CATIP: variants seen among roughly 807,000 people sequenced by gnomAD.
CATIP encodes ciliogenesis associated TTC17 interacting protein.
A neutral mutation model predicts 42.5 loss-of-function variants in CATIP; 40 were observed. The ratio of observed to expected loss-of-function variants is 0.94; its 90% CI spans 0.73 to 1.22. The LOEUF (loss-of-function observed/expected upper bound fraction) is 1.22. Among genes scored for constraint, CATIP ranks in the 50% most tolerant of loss-of-function variants. The pLI is 0.00. For synonymous variants in CATIP, 222 were observed against 200.2 expected, an observed-to-expected ratio of 1.11 and a Z score of -0.92; for missense variants, 489 against 496.0, an observed-to-expected ratio of 0.99 and a Z score of 0.13.
In CATIP at chr2:218,357,886, A is replaced by G. The variant is rs1321514050; in HGVS notation, c.320-151A>G. On this transcript the variant is annotated intron_variant, in intron 3 of 9. Transcript: ENST00000289388. ...TGGGAGAGGGATGAGCGAGTTCCTCATGGACTCGGGATGAGGGCACATCTT... is the reference window on the plus strand; with the variant it reads ...TGGGAGAGGGATGAGCGAGTTCCTCGTGGACTCGGGATGAGGGCACATCTT... 2.8e-6 allele frequency: 3 copies of G among 1,069,108 alleles called. No individual in the cohort carries two copies. The Admixed American group carries it at 5.6e-5, about 20-fold the overall frequency. 66.2% of individuals were successfully genotyped at this position (1,069,108 alleles called of 1,614,324 possible). A position where few individuals can be genotyped will look rare whatever the true frequency, so the allele number is the denominator to read the frequency against.
At chr2:218,357,802 A>G in intron 3 of CATIP, 68 bp downstream of exon 3, 1 of 1,510,652 alleles carries the variant, frequency 6.6e-7, no homozygotes, top group Non-Finnish European at 9.1e-7. Flanking sequence ...ACCAATTCCT[A>G]GAATCTTTTT....
chr2:218,362,550 T>C (rs1171704511), intron 5 of CATIP, among the ~76,000 whole-genome samples, 185 bp from the exon 6 acceptor site: 1 of 151,980 alleles, frequency 6.6e-6, no homozygotes. Context: ...GGAGATCGCT[T>C]GAACCAAGGA....
chr2:218,363,676 A>C (rs1695322487), intron 6 of CATIP, among the ~76,000 whole-genome samples: 1 of 151,100 alleles, frequency 6.6e-6, no homozygotes, highest in East Asian at 2.0e-4. Context: ...TGTGGTGGCA[A>C]GTGCCTGTAA....
rs866595530 is a variant in CATIP, at chr2:218,363,499, A to C, written c.630+597A>C. 3.5e-3 allele frequency among the ~76,000 whole-genome samples: 463 copies of C among 133,854 alleles called. 3 individuals are homozygous for C. Among genetic ancestry groups the C allele is most frequent in the African/African-American group, 0.013 (431 of 33,868 alleles). 87.8% of individuals were successfully genotyped at this position (133,854 alleles called of 152,430 possible). Reference sequence around the variant, plus strand: ...AGACTCTGTCTCAAAAAAAAAAAACAAAAAAAAAAAAACGTCATTTTGGCC... The same window carrying C: ...AGACTCTGTCTCAAAAAAAAAAAACCAAAAAAAAAAAACGTCATTTTGGCC... On this transcript the variant is annotated intron_variant, in intron 6 of 9. Coordinates refer to ENST00000289388, the MANE Select transcript of CATIP (RefSeq NM_198559.2).
chr2:218,366,956 G>A (rs1027528719), intron 7 of CATIP, 68 bp from the exon 8 acceptor site: 1 of 1,211,688 alleles, frequency 8.3e-7, no homozygotes, highest in Non-Finnish European at 1.2e-6. Flanking sequence ...GGGGGTTAGA[G>A]AGACAATTCA....
intron 6 of CATIP, 148 bp from the exon 7 acceptor site, chr2:218,364,480 G>T: frequency 1.7e-6 from 2 of 1,145,092 alleles, no homozygotes; most frequent in Non-Finnish European, 2.5e-6. Flanking sequence ...CCCTATGAGG[G>T]GTCGCCAACT....
chr2:218,361,266 CGGG>C (rs1695224997), intron 5 of CATIP, among the ~76,000 whole-genome samples: 1 of 151,300 alleles, frequency 6.6e-6, no homozygotes, highest in Admixed American at 6.6e-5. Context: ...CCCAGCTACT[CGGG>C]AGGGTGAGGC....
At chr2:218,359,918 G>A (rs538187926) in intron 4 of CATIP, among the ~76,000 whole-genome samples, 52 of 151,898 alleles carry the variant, frequency 3.4e-4, no homozygotes, top group African/African-American at 1.0e-3. Flanking sequence ...TTCACCTTCC[G>A]GGTTCAAGCA....
Position 218,357,601 on chromosome 2 carries a change from T to A in CATIP, c.186T>A (p.Pro62=). The A allele has an allele frequency of 6.2e-7, 1 of 1,614,036 alleles. No individual in the cohort carries two copies. Among genetic ancestry groups the A allele is most frequent in the Non-Finnish European group, 8.5e-7 (1 of 1,179,976 alleles). The change falls in exon 3 of 10, where the codon CCT becomes CCA. Residue 62 remains proline, a synonymous_variant. Coordinates refer to ENST00000289388, the MANE Select transcript of CATIP (RefSeq NM_198559.2). ...TLAMVSDTGE[P]QGELTIEVQR... Reference sequence around the variant, plus strand: ...CCATGGTCTCAGACACCGGGGAGCCTCAGGGAGAGCTGACCATTGAGGTGC... The same window carrying A: ...CCATGGTCTCAGACACCGGGGAGCCACAGGGAGAGCTGACCATTGAGGTGC...
chr2:218,361,330 C>T (rs193263378), intron 5 of CATIP, among the ~76,000 whole-genome samples: 25 of 151,316 alleles, frequency 1.7e-4, no homozygotes, highest in South Asian at 4.2e-4. Context: ...GCTGAGATCA[C>T]GCCACTGCAC....
At chr2:218,366,788 A>C (rs1468316356) in intron 7 of CATIP, 1 of 510,664 alleles carries the variant, frequency 2.0e-6, no homozygotes, top group Non-Finnish European at 3.6e-6. Flanking sequence ...ATGTGTCCTC[A>C]CATGGCCTTT....
At chr2:218,357,286 T>TCTCTCTCTCTCTCG (rs1423201493) in intron 2 of CATIP, 99 bp downstream of exon 2, 1 of 879,196 alleles carries the variant, frequency 1.1e-6, no homozygotes. Flanking sequence ...TCTCTCTCTC[T>TCTCTCTCTCTCTCG]CTCTTCCTTG....
At chr2:218,361,564 A>C (rs917510545) in intron 5 of CATIP, among the ~76,000 whole-genome samples, 2 of 152,210 alleles carry the variant, frequency 1.3e-5, no homozygotes, top group Non-Finnish European at 1.5e-5. Flanking sequence ...GGCTTAGTGA[A>C]ACAATAGAGC....
chr2:218,362,413 C>A (rs1373431388), intron 5 of CATIP, among the ~76,000 whole-genome samples: 1 of 150,690 alleles, frequency 6.6e-6, no homozygotes, highest in African/African-American at 2.4e-5. Flanking sequence ...GCAGAGGGGG[C>A]CTATCACCTC....
intron 4 of CATIP, among the ~76,000 whole-genome samples, chr2:218,358,563 G>C (rs1384389381): frequency 6.7e-6 from 1 of 149,702 alleles, no homozygotes; most frequent in African/African-American, 2.5e-5. Flanking sequence ...TCCGTCTCAA[G>C]AAAAAAATTA....
In CATIP at chr2:218,357,302, CCT is replaced by C. The variant is rs535694918; in HGVS notation, c.118+116_118+117del. On this transcript the variant is annotated intron_variant, in intron 2 of 9. Transcript: ENST00000289388. ...CTCTCTCTCTCTCTTCCTTGATTCT[CCT>C]GGGACTCAGAAAAGGCCTGAGGCCT... 3,078 of 593,768 alleles carry C rather than the reference CCT, an allele frequency of 5.2e-3. 8 individuals carry two copies. The highest frequency in any genetic ancestry group is 6.6e-3 in the Non-Finnish European group (2,528 of 382,892). The allele number at this position is 593,768 out of a possible 1,614,324, so 36.8% of individuals were successfully genotyped here. A position where few individuals can be genotyped will look rare whatever the true frequency, so the allele number is the denominator to read the frequency against.
At position 218,367,835 on chromosome 2, in the gene CATIP, C is replaced by T; in HGVS notation, c.1035C>T (p.Thr345=). 1 of 1,613,136 alleles carries T rather than the reference C, an allele frequency of 6.2e-7. No homozygotes were observed. Among genetic ancestry groups the T allele is most frequent in the Admixed American group, 1.7e-5 (1 of 60,030 alleles). ...LLLRQPEDVV[T]FAAEFFGPFD... is the part of the protein sequence containing the mutation. ...TGCGCCAGCCGGAGGACGTGGTCACCTTCGCCGCCGAGTTCTTCGGCCCCT... is the reference window on the plus strand; with the variant it reads ...TGCGCCAGCCGGAGGACGTGGTCACTTTCGCCGCCGAGTTCTTCGGCCCCT... Residue 345 remains threonine, a synonymous_variant, in exon 10 of 10, where the codon ACC becomes ACT. Coordinates refer to ENST00000289388, the MANE Select transcript of CATIP (RefSeq NM_198559.2).
chr2:218,360,989 C>T (rs1489251944), intron 5 of CATIP, among the ~76,000 whole-genome samples: 1 of 151,932 alleles, frequency 6.6e-6, no homozygotes, highest in African/African-American at 2.4e-5. Context: ...CACCACCACG[C>T]CCGGCTAATT....
chr2:218,357,457 G>C, intron 2 of CATIP, 77 bp from the exon 3 acceptor site: 1 of 1,245,842 alleles, frequency 8.0e-7, no homozygotes, highest in African/African-American at 1.5e-5. Flanking sequence ...GGGGACACTG[G>C]TGGTCATGGG....
Sources: allele counts gnomAD v4.1 joint callset (sites outside exome capture counted in the v4.1 genomes callset), GRCh38; gene constraint gnomAD v4.1.1; transcripts MANE v1.5; gene names NCBI Gene and HGNC (gene_info 2026-07-23, HGNC 2026-07-21).